Variants in TNN observed in about 807,000 individuals in gnomAD.
The protein encoded by TNN is tenascin-N.
Under a neutral mutation model 134.4 loss-of-function variants are expected in TNN, and 122 were observed. The observed-to-expected ratio is 0.91, with a 90% CI of 0.78 to 1.06. The LOEUF (loss-of-function observed/expected upper bound fraction) is 1.06, where lower values mean the gene tolerates loss of function less well. TNN is among the 50% of genes least tolerant of loss of function. The pLI, the probability that TNN is intolerant of heterozygous loss-of-function variation, is 0.00. For missense variants in TNN, 1,739 were observed against 1,699.4 expected (o/e 1.02, Z -0.41); for synonymous variants, 710 against 670.3 (o/e 1.06, Z -0.91).
At chr1:175,143,744 G>A (rs1453042793) in intron 17 of TNN, among the ~76,000 whole-genome samples, 1 of 152,200 alleles carries the variant, frequency 6.6e-6, no homozygotes, top group Non-Finnish European at 1.5e-5. Context: ...AGGCCTGCAA[G>A]GCATGGAAGA....
chr1:175,071,518 C>G (rs1456485730), intron 1 of TNN, among the ~76,000 whole-genome samples: 1 of 152,210 alleles, frequency 6.6e-6, no homozygotes, highest in South Asian at 2.1e-4. Flanking sequence ...CAATTCATGT[C>G]CCCAGTGGAT....
intron 4 of TNN, among the ~76,000 whole-genome samples, chr1:175,080,815 G>A (rs929404538): frequency 6.6e-6 from 1 of 152,168 alleles, no homozygotes; most frequent in African/African-American, 2.4e-5. Flanking sequence ...ATTCATCTTC[G>A]TGGGAAAGAC....
chr1:175,115,957 C>T (rs1333193212), intron 9 of TNN, among the ~76,000 whole-genome samples: 3 of 152,084 alleles, frequency 2.0e-5, no homozygotes, highest in Admixed American at 6.6e-5. Context: ...CCAGTGTTTC[C>T]TTCTGTTCTC....
chr1:175,142,807 G>T (rs1010587071), intron 17 of TNN, among the ~76,000 whole-genome samples: 5 of 151,926 alleles, frequency 3.3e-5, no homozygotes, highest in Admixed American at 3.3e-4. Context: ...CAGTAGAGAC[G>T]GCGTTTCACC....
chr1:175,098,625 T>C, intron 9 of TNN, 30 bp downstream of exon 9: 1 of 1,613,600 alleles, frequency 6.2e-7, no homozygotes, highest in Non-Finnish European at 8.5e-7. Flanking sequence ...GCTGTGCCGA[T>C]GCCATGCTCA....
At chr1:175,124,695 A>G (rs113128477) in intron 12 of TNN, among the ~76,000 whole-genome samples, 1 of 22,242 alleles carries the variant, frequency 4.5e-5, no homozygotes, top group African/African-American at 1.5e-4. Flanking sequence ...AAGCAAACAA[A>G]CAAACAAACA....
At chr1:175,077,319 A>T (rs961940599) in intron 1 of TNN, 65 bp from the exon 2 acceptor site, 16 of 1,168,678 alleles carry the variant, frequency 1.4e-5, no homozygotes, top group Admixed American at 4.9e-5. Flanking sequence ...AGAATCTGGT[A>T]AAAAAAAAGC....
chr1:175,085,218 C>T (rs1674294797), intron 5 of TNN, among the ~76,000 whole-genome samples, 187 bp from the exon 6 acceptor site: 1 of 152,218 alleles, frequency 6.6e-6, no homozygotes. Flanking sequence ...CCTATAAGCC[C>T]CCTCAGTGAC....
intron 9 of TNN, among the ~76,000 whole-genome samples, chr1:175,111,055 C>T (rs987780616): frequency 1.3e-5 from 2 of 151,214 alleles, no homozygotes; most frequent in African/African-American, 4.9e-5. Flanking sequence ...CGGTAGCTCA[C>T]GCCTGTAATC....
chr1:175,101,972 A>T (rs1674735487), intron 9 of TNN, among the ~76,000 whole-genome samples: 1 of 142,772 alleles, frequency 7.0e-6, no homozygotes, highest in Non-Finnish European at 1.5e-5. Flanking sequence ...CCACGTCCTC[A>T]TCAGAGCAGC....
At chr1:175,133,738 C>T (rs1474347854) in intron 15 of TNN, among the ~76,000 whole-genome samples, 1 of 152,162 alleles carries the variant, frequency 6.6e-6, no homozygotes, top group African/African-American at 2.4e-5. Context: ...CTTCTCTGTA[C>T]TAATTAGGAT....
In TNN at chr1:175,118,712, G is replaced by A; in HGVS notation, c.2538G>A (p.Glu846=). Residue 846 remains glutamate (E), a synonymous_variant, in exon 11 of 19, where the codon GAG becomes GAA. Coordinates refer to ENST00000239462, the MANE Select transcript of TNN (RefSeq NM_022093.2). ...CCAGGGAGGTTCCAGTGGGGAAGGA[G>A]CAGAGCAGCACTGTCCTGACGGGCC... ...GETREVPVGK[E]QSSTVLTGLR... The A allele has an allele frequency of 6.2e-7, 1 of 1,614,256 alleles. No individual in the cohort carries two copies. Among genetic ancestry groups the A allele is most frequent in the Non-Finnish European group, 8.5e-7 (1 of 1,180,056 alleles).
At chr1:175,127,506 T>C (rs1370671286) in intron 13 of TNN, among the ~76,000 whole-genome samples, 1 of 152,230 alleles carries the variant, frequency 6.6e-6, no homozygotes, top group Non-Finnish European at 1.5e-5. Context: ...GGAAGGACAC[T>C]TAGGTTTATG....
At chr1:175,145,552 C>CAAAAAAAAACAAAAAA (rs1676042782) in intron 18 of TNN, among the ~76,000 whole-genome samples, 1 of 28,910 alleles carries the variant, frequency 3.5e-5, no homozygotes, top group Non-Finnish European at 6.0e-5. Context: ...GACCCTGTCT[C>CAAAAAAAAACAAAAAA]AAAAAAAAAA....
At chr1:175,113,880 A>T (rs886174256) in intron 9 of TNN, among the ~76,000 whole-genome samples, 6 of 151,924 alleles carry the variant, frequency 3.9e-5, no homozygotes, top group African/African-American at 1.2e-4. Flanking sequence ...AATTCCATTC[A>T]TTGAATTCAT....
intron 9 of TNN, among the ~76,000 whole-genome samples, chr1:175,106,468 T>C (rs113646236): frequency 8.9e-5 from 13 of 145,932 alleles, no homozygotes; most frequent in African/African-American, 3.2e-4. Flanking sequence ...GTCTTTCTGA[T>C]TGGTGAGCCC....
At position 175,099,938 on chromosome 1, in the gene TNN, T is replaced by C. The variant is rs112143459; in HGVS notation, c.2119+1343T>C. 3.4e-3 allele frequency among the ~76,000 whole-genome samples: 510 copies of C among 152,214 alleles called. 4 individuals carry two copies. Among genetic ancestry groups the C allele is most frequent in the African/African-American group, 0.011 (437 of 41,538 alleles). ...CAGCGCCTCTCTGGTGGGGTTGCCT[T>C]GCCCCTCTAGGTGGTCCTCTTGGAC... On this transcript the variant is annotated intron_variant, in intron 9 of 18. Transcript: ENST00000239462.
At position 175,080,251 on chromosome 1, in the gene TNN, C is replaced by T. The variant is rs766337039; in HGVS notation, c.873C>T (p.Tyr291=). The T allele has an allele frequency of 3.3e-5, 54 of 1,614,034 alleles. No homozygotes were observed. In the South Asian group the frequency reaches 5.7e-4, roughly 17 times the overall value. Residue 291 remains tyrosine, a synonymous_variant, in exon 4 of 19, where the codon TAC becomes TAT. Coordinates refer to ENST00000239462, the MANE Select transcript of TNN (RefSeq NM_022093.2). ...SWEPSSQVDH[Y]LLSYYPLGKE... ...AGCCCTCCAGCCAGGTGGATCACTACCTCCTCAGCTACTACCCCCTGGGGA... is the reference window on the plus strand; with the variant it reads ...AGCCCTCCAGCCAGGTGGATCACTATCTCCTCAGCTACTACCCCCTGGGGA...
At chr1:175,139,086 G>T (rs1420531168) in intron 17 of TNN, among the ~76,000 whole-genome samples, 2 of 152,230 alleles carry the variant, frequency 1.3e-5, no homozygotes, top group Non-Finnish European at 2.9e-5. Flanking sequence ...GAGTCAGTGA[G>T]TGGTGAGCGA....
Sources: gnomAD v4.1 joint callset for allele counts (sites outside exome capture counted in the v4.1 genomes callset) on GRCh38, gnomAD v4.1.1 for gene constraint, MANE v1.5 for transcripts, NCBI Gene and HGNC (gene_info 2026-07-23, HGNC 2026-07-21) for gene names.